The following VIPR2 variants were observed in gnomAD, a reference collection of about 807,000 sequenced individuals.
The protein encoded by VIPR2 is vasoactive intestinal polypeptide receptor 2.
A neutral mutation model predicts 58.0 loss-of-function variants in VIPR2; 48 were observed. The observed-to-expected ratio is 0.83, with a 90% CI of 0.66 to 1.05. The LOEUF (loss-of-function observed/expected upper bound fraction) is 1.05. Ranked by LOEUF, VIPR2 falls within the 50% of genes least tolerant of loss-of-function variation. The pLI is 0.00. For missense variants in VIPR2, 534 were observed against 558.0 expected, an observed-to-expected ratio of 0.96 and a Z score of 0.43; for synonymous variants, 243 against 235.2, an observed-to-expected ratio of 1.03 and a Z score of -0.30.
At chr7:159,140,860 G>A (rs766440491) in intron 2 of VIPR2, among the ~76,000 whole-genome samples, 5 of 152,180 alleles carry the variant, frequency 3.3e-5, no homozygotes, top group Non-Finnish European at 5.9e-5. Context: ...TCCAGGAGGC[G>A]TCGCCAATCT....
intron 1 of VIPR2, chr7:159,144,421 C>T (rs1426220254): frequency 6.5e-7 from 1 of 1,547,872 alleles, no homozygotes; most frequent in Non-Finnish European, 8.7e-7. Flanking sequence ...CGAACGAGCT[C>T]ATCGTTGACG....
intron 4 of VIPR2, among the ~76,000 whole-genome samples, chr7:159,069,310 G>A (rs1856260134): frequency 6.6e-6 from 1 of 152,132 alleles, no homozygotes; most frequent in Admixed American, 6.5e-5. Context: ...GCTGGCTGGG[G>A]ACCCTGCCAG....
At chr7:159,112,782 T>C (rs1796082991) in intron 2 of VIPR2, among the ~76,000 whole-genome samples, 1 of 144,128 alleles carries the variant, frequency 6.9e-6, no homozygotes, top group South Asian at 2.2e-4. Flanking sequence ...GGCGCCTGCC[T>C]GGGACGGGAC....
chr7:159,029,636 G>C lies in VIPR2; in HGVS notation c.*980C>G, dbSNP rs1427867744. ...CAGCTGGCCTGGGGCTGAGCGTCAG[G>C]CTCTGCGGCTCCCACAGGGCGGCAG... On this transcript the variant is annotated 3_prime_UTR_variant, in exon 13 of 13. Coordinates refer to ENST00000262178, the MANE Select transcript of VIPR2 (RefSeq NM_003382.5). The C allele has an allele frequency of 1.3e-5, 2 of 152,296 alleles. No individual in the cohort carries two copies. Among genetic ancestry groups the C allele is most frequent in the African/African-American group, 4.8e-5 (2 of 41,454 alleles). The allele number at this position is 152,296 out of a possible 1,614,324, so 9.4% of individuals were successfully genotyped here. A position where few individuals can be genotyped will look rare whatever the true frequency, so the allele number is the denominator to read the frequency against.
chr7:159,112,138 A>T (rs1261559253), intron 2 of VIPR2, among the ~76,000 whole-genome samples: 5 of 152,282 alleles, frequency 3.3e-5, no homozygotes, highest in African/African-American at 4.8e-5. Context: ...TACTAAATTC[A>T]TACCACATCA....
Position 159,031,881 on chromosome 7 carries a change from A to G in VIPR2, c.1102-12T>C. The stretch of plus-strand genomic sequence containing the variant: ...GCCACCACCAGGCCCTGCAATGAGA[A>G]GAGATGGTCAGGCAGGACCCGCGCT... On this transcript the variant is annotated splice_polypyrimidine_tract_variant and intron_variant, in intron 11 of 12. Transcript: ENST00000262178. The surrounding 1 kb of genome is among the most constrained non-coding windows in gnomAD (Gnocchi z 4.0). 1 of 1,614,090 alleles carries G rather than the reference A, an allele frequency of 6.2e-7. No homozygotes were observed. Among genetic ancestry groups the G allele is most frequent in the South Asian group, 1.1e-5 (1 of 91,084 alleles).
Position 159,109,911 on chromosome 7 carries a change from C to T in VIPR2, c.160G>A (p.Gly54Ser), listed in dbSNP as rs551525719. 27 of 1,613,714 alleles carry T rather than the reference C, an allele frequency of 1.7e-5. No homozygotes were observed. The South Asian group carries it at 2.6e-4, about 16-fold the overall frequency. Residue 54 changes from glycine (G) to serine (S), a missense_variant, in exon 3 of 13, where the codon GGC becomes AGC. Transcript: ENST00000262178. ...CAGCACGTGATGTTGTCCCAGACGC[C>T]ACTGCAGGCTGGAAGGAGAGAAGCA... ...SQTEKHKACS[G>S]VWDNITCWRP... is the part of the protein sequence containing the mutation.
intron 6 of VIPR2, among the ~76,000 whole-genome samples, chr7:159,037,643 T>C (rs1050225315): frequency 1.4e-4 from 22 of 152,222 alleles, no homozygotes; most frequent in African/African-American, 4.1e-4. Context: ...GCAAATAAAA[T>C]ATTTTCTGAG....
At chr7:159,131,882 T>C (rs148346752) in intron 2 of VIPR2, among the ~76,000 whole-genome samples, 60 of 152,330 alleles carry the variant, frequency 3.9e-4, no homozygotes, top group African/African-American at 9.4e-4. Context: ...ACCTGAGCCA[T>C]TTCTTGTAAA....
At chr7:159,132,543 C>T (rs1304833335) in intron 2 of VIPR2, among the ~76,000 whole-genome samples, 6 of 152,404 alleles carry the variant, frequency 3.9e-5, no homozygotes, top group Non-Finnish European at 7.3e-5. Context: ...CTGGGACACC[C>T]CATCTGGAAC....
At chr7:159,132,977 G>A (rs1207315529) in intron 2 of VIPR2, among the ~76,000 whole-genome samples, 2 of 146,932 alleles carry the variant, frequency 1.4e-5, no homozygotes, top group Non-Finnish European at 1.5e-5. Flanking sequence ...TTGGCATACC[G>A]ATTGATTTTA....
intron 3 of VIPR2, among the ~76,000 whole-genome samples, chr7:159,108,892 G>A (rs758261149): frequency 6.6e-6 from 1 of 152,170 alleles, no homozygotes; most frequent in Non-Finnish European, 1.5e-5. Flanking sequence ...CTAACTCAGG[G>A]GTGGGCAGTG....
chr7:159,135,029 TTA>T (rs1438468115), intron 2 of VIPR2, among the ~76,000 whole-genome samples: 3,724 of 93,594 alleles, frequency 0.04, 314 homozygotes, highest in Non-Finnish European at 0.049. Flanking sequence ...TTTTTTTTTT[TTA>T]ACATTTTAAG....
intron 2 of VIPR2, among the ~76,000 whole-genome samples, chr7:159,138,868 TCTA>T (rs1797339129): frequency 6.6e-6 from 1 of 152,254 alleles, no homozygotes; most frequent in Non-Finnish European, 1.5e-5. Context: ...TCACTTAATT[TCTA>T]CTGTGAGAAT....
Position 159,095,864 on chromosome 7 carries a change from G to T in VIPR2, c.357+7893C>A, listed in dbSNP as rs1857805474. Among the ~76,000 whole-genome samples, 1 of 151,994 alleles carries T rather than the reference G, an allele frequency of 6.6e-6. No homozygotes were observed. The highest frequency in any genetic ancestry group is 1.9e-4 in the East Asian group (1 of 5,174). On this transcript the variant is annotated intron_variant, in intron 4 of 12. Coordinates refer to ENST00000262178, the MANE Select transcript of VIPR2 (RefSeq NM_003382.5). The surrounding 1 kb of genome is among the most constrained non-coding windows in gnomAD (Gnocchi z 5.2). Reference sequence around the variant, plus strand: ...GACCTCCCTAGAACCCTGAAATTTGGGTTTCCACACTTTCTTCAATACAGT... The same window carrying T: ...GACCTCCCTAGAACCCTGAAATTTGTGTTTCCACACTTTCTTCAATACAGT...
At chr7:159,088,067 C>T (rs1220142280) in intron 4 of VIPR2, among the ~76,000 whole-genome samples, 1 of 152,242 alleles carries the variant, frequency 6.6e-6, no homozygotes, top group Non-Finnish European at 1.5e-5. Flanking sequence ...CCCCTGAAGG[C>T]ACTGAGCCTG....
intron 4 of VIPR2, among the ~76,000 whole-genome samples, chr7:159,071,562 T>A (rs1456801951): frequency 6.6e-6 from 1 of 152,138 alleles, no homozygotes; most frequent in African/African-American, 2.4e-5. Flanking sequence ...CCAGGCCCCC[T>A]CCTTGTCCAG....
At chr7:159,136,671 C>T (rs149784629) in intron 2 of VIPR2, among the ~76,000 whole-genome samples, 5,672 of 152,094 alleles carry the variant, frequency 0.037, 372 homozygotes, top group African/African-American at 0.13. Context: ...AGAACCCCCG[C>T]GTCAACACAG....
At chr7:159,101,408 A>T (rs922508412) in intron 4 of VIPR2, among the ~76,000 whole-genome samples, 12 of 125,542 alleles carry the variant, frequency 9.6e-5, no homozygotes, top group Non-Finnish European at 1.6e-4. Context: ...TGTGGTAGTG[A>T]ACGGGTCTCA....
Sources: allele counts gnomAD v4.1 joint callset (sites outside exome capture counted in the v4.1 genomes callset), GRCh38; gene constraint gnomAD v4.1.1; non-coding constraint Gnocchi (gnomAD v3.1); transcripts MANE v1.5; gene names NCBI Gene and HGNC (gene_info 2026-07-23, HGNC 2026-07-21).